RDH13: variants seen among roughly 807,000 people sequenced by gnomAD.
RDH13 encodes the protein retinol dehydrogenase 13 (all-trans and 9-cis).
In RDH13, 35 loss-of-function variants were observed where a neutral mutation model predicts 28.3. The ratio of observed to expected loss-of-function variants is 1.24; its 90% CI spans 0.95 to 1.64. The LOEUF (loss-of-function observed/expected upper bound fraction) is 1.64, where lower values mean the gene tolerates loss of function less well. Among genes scored for constraint, RDH13 ranks in the 40% most tolerant of loss-of-function variants. The probability of loss-of-function intolerance (pLI) is 0.00; values close to 1 mark genes in which losing one functional copy is unlikely to be tolerated. For synonymous variants in RDH13, 229 were observed against 198.5 expected, an observed-to-expected ratio of 1.15 and a Z score of -1.29; for missense variants, 514 against 446.3, an observed-to-expected ratio of 1.15 and a Z score of -1.37.
Position 55,044,468 on chromosome 19 carries a change from C to T in RDH13, c.*606G>A, listed in dbSNP as rs2075132993. On this transcript the variant is annotated 3_prime_UTR_variant, in exon 7 of 7. Transcript: ENST00000415061. ...GGTTCCCACTCCATGCCGTGCAGAG[C>T]CTGAACTCAGGATGACACCTGCACC... 1.3e-5 allele frequency: 2 copies of T among 152,224 alleles called. No homozygotes were observed. Among genetic ancestry groups the T allele is most frequent in the Non-Finnish European group, 2.9e-5 (2 of 68,102 alleles). 9.4% of individuals were successfully genotyped at this position (152,224 alleles called of 1,614,324 possible). A position where few individuals can be genotyped will look rare whatever the true frequency, so the allele number is the denominator to read the frequency against.
chr19:55,058,595 T>C (rs998898506), intron 2 of RDH13, among the ~76,000 whole-genome samples: 2 of 152,162 alleles, frequency 1.3e-5, no homozygotes, highest in Non-Finnish European at 2.9e-5. Flanking sequence ...AGTGGAATCA[T>C]ACCGTATTTG....
intron 1 of RDH13, 94 bp from the exon 2 acceptor site, chr19:55,059,369 AC>A (rs1289318279): frequency 1.3e-6 from 1 of 749,898 alleles, no homozygotes; most frequent in Non-Finnish European, 2.3e-6. Flanking sequence ...GTCTGAGCTC[AC>A]TCACATACCC....
In RDH13 at chr19:55,051,718, G is replaced by A. The variant is rs148610969; in HGVS notation, c.341-2955C>T. ...GCAGGGATTACAGGTGTGAGCCACC[G>A]CGCCCAGCCTGTTTTTTTTTTTTTC... On this transcript the variant is annotated intron_variant, in intron 3 of 6. Transcript: ENST00000415061. Among the ~76,000 whole-genome samples, 26 of 150,362 alleles carry A rather than the reference G, an allele frequency of 1.7e-4. 1 individual carries two copies. In the East Asian group the frequency reaches 3.5e-3, roughly 20 times the overall value.
chr19:55,045,300 A>G lies in RDH13; in HGVS notation c.770T>C (p.Phe257Ser). Residue 257 changes from phenylalanine to serine, a missense_variant, in exon 7 of 7, where the codon TTC becomes TCC. Physicochemically the swap from Phe to Ser is radical, Grantham distance 155. Coordinates refer to ENST00000415061, the MANE Select transcript of RDH13 (RefSeq NM_001145971.2). The stretch of plus-strand genomic sequence containing the variant: ...CTCGGGGCTCTTGACCAGCAGCCAG[A>G]AGATGGGCCCTGCAATCAGCCCACA... ...TFSSTTLGPI[F>S]WLLVKSPELA... 6.2e-7 allele frequency: 1 copy of G among 1,611,974 alleles called. No individual in the cohort carries two copies. The highest frequency in any genetic ancestry group is 8.5e-7 in the Non-Finnish European group (1 of 1,179,604).
rs112847046 is a variant in RDH13 at position 55,044,934 on chromosome 19, G to A, written c.*140C>T. On this transcript the variant is annotated 3_prime_UTR_variant, in exon 7 of 7. Coordinates refer to ENST00000415061, the MANE Select transcript of RDH13 (RefSeq NM_001145971.2). Reference sequence around the variant, plus strand: ...AGGCCAGTCCACTGCGGCCAGCACCGCCCCCTAGAACCTACTGCGGGCATG... The same window carrying A: ...AGGCCAGTCCACTGCGGCCAGCACCACCCCCTAGAACCTACTGCGGGCATG... 2.6e-4 allele frequency: 166 copies of A among 641,248 alleles called. 2 individuals are homozygous for A. The highest frequency in any genetic ancestry group is 1.9e-3 in the African/African-American group (103 of 54,570). The allele number at this position is 641,248 out of a possible 1,614,324, so 39.7% of individuals were successfully genotyped here. A position where few individuals can be genotyped will look rare whatever the true frequency, so the allele number is the denominator to read the frequency against.
At position 55,051,729 on chromosome 19, in the gene RDH13, G is replaced by GTTT. The variant is rs79209121; in HGVS notation, c.341-2969_341-2967dup. ...AGGTGTGAGCCACCGCGCCCAGCCT[G>GTTT]TTTTTTTTTTTTTCTTTTTATGAGA... is the stretch of plus-strand genomic sequence containing the variant. On this transcript the variant is annotated intron_variant, in intron 3 of 6. Transcript: ENST00000415061. Among the ~76,000 whole-genome samples the GTTT allele has an allele frequency of 2.1e-5, 3 of 143,542 alleles. No homozygotes were observed. The East Asian group carries it at 6.1e-4, about 29-fold the overall frequency. 94.2% of individuals were successfully genotyped at this position (143,542 alleles called of 152,430 possible).
At chr19:55,062,776 TTCCC>T (rs753935401) in intron 1 of RDH13, among the ~76,000 whole-genome samples, 188 bp downstream of exon 1, 61 of 152,344 alleles carry the variant, frequency 4.0e-4, no homozygotes, top group Non-Finnish European at 7.9e-4. Context: ...AGGCTCGCCC[TTCCC>T]TCCGAGTGAC....
upstream of RDH13, among the ~76,000 whole-genome samples, chr19:55,066,585 A>C (rs1299280002): frequency 7.6e-4 from 92 of 120,796 alleles, no homozygotes; most frequent in East Asian, 1.5e-3. Context: ...GTCTTCCTCT[A>C]TCCCTCTCTT....
chr19:55,049,527 C>A (rs886295940), intron 3 of RDH13, among the ~76,000 whole-genome samples: 6 of 152,156 alleles, frequency 3.9e-5, no homozygotes, highest in Admixed American at 3.9e-4. Context: ...CAGTGGCTCA[C>A]GCCTGTAATC....
In RDH13 at chr19:55,044,739, T is replaced by C. The variant is rs1329621970; in HGVS notation, c.*335A>G. 2 of 348,470 alleles carry C rather than the reference T, an allele frequency of 5.7e-6. No individual in the cohort carries two copies. The highest frequency in any genetic ancestry group is 5.2e-6 in the Non-Finnish European group (1 of 193,416). The allele number at this position is 348,470 out of a possible 1,614,324, so 21.6% of individuals were successfully genotyped here. On this transcript the variant is annotated 3_prime_UTR_variant, in exon 7 of 7. Transcript: ENST00000415061. ...CTCTTCACGGAGCACCTTGGAACCC[T>C]CCCCGACAGGCACCGCTGGCTCTCC...
intron 3 of RDH13, among the ~76,000 whole-genome samples, chr19:55,052,883 C>T (rs1016720357): frequency 6.6e-6 from 1 of 151,842 alleles, no homozygotes; most frequent in South Asian, 2.1e-4. Context: ...AGGATGGTCT[C>T]GATCTCCTGA....
At chr19:55,050,704 A>C (rs1205323240) in intron 3 of RDH13, 2 of 152,120 alleles carry the variant, frequency 1.3e-5, no homozygotes, top group East Asian at 3.9e-4. Flanking sequence ...ACCCACCTCT[A>C]AATGAAGTCA....
Position 55,056,752 on chromosome 19 carries a change from C to A in RDH13, c.241G>T (p.Asp81Tyr). 6.2e-7 allele frequency: 1 copy of A among 1,614,090 alleles called. No homozygotes were observed. Among genetic ancestry groups the A allele is most frequent in the Non-Finnish European group, 8.5e-7 (1 of 1,180,024 alleles). ...DMEKCEAAAK[D>Y]IRGETLNHHV... ...TGATTGAGGGTCTCCCCGCGGATGT[C>A]CTTTGCTGCCGCCTCACACTTCTCC... is the stretch of plus-strand genomic sequence containing the variant. Residue 81 changes from aspartate to tyrosine, a missense_variant, in exon 3 of 7, where the codon GAC becomes TAC. Asp to Tyr is a radical substitution (Grantham distance 160). Coordinates refer to ENST00000415061, the MANE Select transcript of RDH13 (RefSeq NM_001145971.2).
chr19:55,045,946 C>CAAA lies in RDH13; in HGVS notation c.761-640_761-638dup, dbSNP rs11356856. ...GGGTGACAATAGCAAGACTTCGTCT[C>CAAA]AAAAAAAAAAAAAAAAAAGGGCTGG... On this transcript the variant is annotated intron_variant, in intron 6 of 6. Transcript: ENST00000415061. Among the ~76,000 whole-genome samples, 171 of 89,364 alleles carry CAAA rather than the reference C, an allele frequency of 1.9e-3. 1 individual carries two copies. Among genetic ancestry groups the CAAA allele is most frequent in the African/African-American group, 7.1e-3 (159 of 22,508 alleles). 58.6% of individuals were successfully genotyped at this position (89,364 alleles called of 152,430 possible).
At chr19:55,056,382 C>G (rs905418978) in intron 3 of RDH13, among the ~76,000 whole-genome samples, 3 of 152,060 alleles carry the variant, frequency 2.0e-5, no homozygotes, top group African/African-American at 7.2e-5. Context: ...CGCTTGAACC[C>G]AGGAGGCAGA....
chr19:55,048,478 A>T lies in RDH13; in HGVS notation c.509T>A (p.Ile170Asn), dbSNP rs1444007415. 2 of 1,614,224 alleles carry T rather than the reference A, an allele frequency of 1.2e-6. No individual in the cohort carries two copies. The highest frequency in any genetic ancestry group is 1.7e-5 in the Admixed American group (1 of 60,016). ...AACATGGGCCAGGGACGAGAGGTTG[A>T]TGATCCGCGAAGGGGCTGAGGCTTT... The part of the protein sequence containing the change: ...KLKASAPSRI[I>N]NLSSLAHVAG... Residue 170 changes from isoleucine (I) to asparagine (N), a missense_variant, in exon 5 of 7, where the codon ATC becomes AAC. By Grantham distance (149) the Ile-to-Asn change is moderately radical. Transcript: ENST00000415061.
intron 3 of RDH13, among the ~76,000 whole-genome samples, chr19:55,051,665 T>A (rs1052163923): frequency 3.3e-5 from 5 of 151,714 alleles, no homozygotes; most frequent in Non-Finnish European, 5.9e-5. Flanking sequence ...CTTCACCTCG[T>A]GATCCACCCG....
At chr19:55,051,720 GC>G (rs2075443435) in intron 3 of RDH13, among the ~76,000 whole-genome samples, 1 of 149,682 alleles carries the variant, frequency 6.7e-6, no homozygotes, top group Non-Finnish European at 1.5e-5. Context: ...GAGCCACCGC[GC>G]CCAGCCTGTT....
rs766474082 is a variant in RDH13, at chr19:55,048,555, G to A, written c.446-14C>T. On this transcript the variant is annotated splice_polypyrimidine_tract_variant and intron_variant, in intron 4 of 6. Transcript: ENST00000415061. The stretch of plus-strand genomic sequence containing the variant: ...AGAGAAAGTGACCTGGATTAAGGAT[G>A]ATGAAAAGGTCACTTTTGACTCACA... 1 of 1,613,436 alleles carries A rather than the reference G, an allele frequency of 6.2e-7. No homozygotes were observed.
Sources: gnomAD v4.1 joint callset for allele counts (sites outside exome capture counted in the v4.1 genomes callset) on GRCh38, gnomAD v4.1.1 for gene constraint, MANE v1.5 for transcripts, NCBI Gene and HGNC (gene_info 2026-07-23, HGNC 2026-07-21) for gene names.